The following TAF1A variants were observed in gnomAD, a reference collection of about 807,000 sequenced individuals.
The protein encoded by TAF1A is TATA box-binding protein-associated factor RNA polymerase I subunit A.
Under a neutral mutation model 61.6 loss-of-function variants are expected in TAF1A, and 42 were observed. The ratio of observed to expected loss-of-function variants is 0.68; its 90% CI spans 0.53 to 0.88. The LOEUF is 0.88. Among genes scored for constraint, TAF1A ranks in the 40% least tolerant of loss-of-function variants. The probability of loss-of-function intolerance (pLI) is 0.00; values close to 1 mark genes in which losing one functional copy is unlikely to be tolerated. For missense variants in TAF1A, 424 were observed against 518.7 expected (o/e 0.82, Z 1.77); for synonymous variants, 179 against 177.7 (o/e 1.01, Z -0.06).
rs573367905 is a variant in TAF1A at position 222,564,086 on chromosome 1, C to T, written c.934G>A (p.Glu312Lys). 3 of 1,561,118 alleles carry T rather than the reference C, an allele frequency of 1.9e-6. No homozygotes were observed. The highest frequency in any genetic ancestry group is 3.4e-5 in the Admixed American group (2 of 58,728). Residue 312 changes from glutamate (E) to lysine (K), a missense_variant, in exon 8 of 11, where the codon GAA becomes AAA. Physicochemically the swap from Glu to Lys is moderately conservative, Grantham distance 56. Coordinates refer to ENST00000352967, the MANE Select transcript of TAF1A (RefSeq NM_005681.4). Reference protein sequence around the residue: ...QIVPSHKLMLEFHTLLRKSEK... With the variant: ...QIVPSHKLMLKFHTLLRKSEK... ...GATTTTCTAAGTAATGTATGGAATT[C>T]CAACATCAATTTATGAGATGGTACA... is the stretch of plus-strand genomic sequence containing the variant.
In TAF1A at chr1:222,569,685, A is replaced by G; in HGVS notation, c.736-17T>C. On this transcript the variant is annotated splice_polypyrimidine_tract_variant and intron_variant, in intron 6 of 10. Coordinates refer to ENST00000352967, the MANE Select transcript of TAF1A (RefSeq NM_005681.4). ...TTCCAGCATCTATATAAAATAAATC[A>G]TAATATCTTAGCTGAATTCTGTAAG... The G allele has an allele frequency of 6.2e-7, 1 of 1,600,654 alleles. No individual in the cohort carries two copies. Among genetic ancestry groups the G allele is most frequent in the Non-Finnish European group, 8.5e-7 (1 of 1,175,126 alleles).
intron 2 of TAF1A, 48 bp downstream of exon 2, chr1:222,588,395 T>C (rs1237905437): frequency 1.3e-6 from 2 of 1,597,022 alleles, no homozygotes; most frequent in East Asian, 2.3e-5. Flanking sequence ...TATTGAATCT[T>C]ACCACCTCCT....
At chr1:222,555,041 A>G (rs1659710816), downstream of TAF1A, among the ~76,000 whole-genome samples, 1 of 152,264 alleles carries the variant, frequency 6.6e-6, no homozygotes, top group African/African-American at 2.4e-5. Context: ...AGGTATATGA[A>G]TAAGTGCTCA....
Position 222,577,571 on chromosome 1 carries a change from C to T in TAF1A, c.478G>A (p.Ala160Thr). 6.2e-7 allele frequency: 1 copy of T among 1,614,000 alleles called. No homozygotes were observed. The highest frequency in any genetic ancestry group is 2.2e-5 in the East Asian group (1 of 44,852). ...LKDAKRNLSE[A>T]ETWRHGENTS... is the part of the protein sequence containing the mutation. ...TTTTCACCATGTCTCCATGTCTCTG[C>T]CTCACTCAGATTTCTCTTAGCATCT... Residue 160 changes from alanine to threonine, a missense_variant, in exon 5 of 11, where the codon GCA becomes ACA. Coordinates refer to ENST00000352967, the MANE Select transcript of TAF1A (RefSeq NM_005681.4).
intron 6 of TAF1A, among the ~76,000 whole-genome samples, chr1:222,570,320 T>C (rs564227066): frequency 1.6e-4 from 25 of 152,326 alleles, no homozygotes; most frequent in African/African-American, 5.3e-4. Context: ...CATTTACAAC[T>C]ATACTGCTAT....
At chr1:222,581,991 C>G (rs141731972) in intron 3 of TAF1A, among the ~76,000 whole-genome samples, 5 of 152,254 alleles carry the variant, frequency 3.3e-5, no homozygotes, top group African/African-American at 1.2e-4. Context: ...ATGAAATTCA[C>G]TTATGTTTCA....
intron 2 of TAF1A, among the ~76,000 whole-genome samples, chr1:222,584,850 G>A (rs1439608680): frequency 6.6e-6 from 1 of 152,196 alleles, no homozygotes; most frequent in Non-Finnish European, 1.5e-5. Context: ...TAGATACAGT[G>A]CTATTATATG....
chr1:222,587,706 T>C (rs1443019438), intron 2 of TAF1A, among the ~76,000 whole-genome samples: 1 of 152,172 alleles, frequency 6.6e-6, no homozygotes, highest in Non-Finnish European at 1.5e-5. Flanking sequence ...GGAAATTTTA[T>C]CCCATAGAAA....
chr1:222,589,048 G>C (rs1358078350), intron 1 of TAF1A, among the ~76,000 whole-genome samples: 2 of 152,140 alleles, frequency 1.3e-5, no homozygotes, highest in Non-Finnish European at 1.5e-5. Context: ...GATGGAACCT[G>C]CCTAACATCA....
chr1:222,570,507 C>A, intron 6 of TAF1A, 28 bp downstream of exon 6: 1 of 1,580,886 alleles, frequency 6.3e-7, no homozygotes. Context: ...AAAATAAAAC[C>A]AATAAATTTA....
At chr1:222,583,506 A>G (rs1053800852) in intron 3 of TAF1A, among the ~76,000 whole-genome samples, 2 of 152,150 alleles carry the variant, frequency 1.3e-5, no homozygotes, top group African/African-American at 4.8e-5. Context: ...AAAACAATGA[A>G]GTATAGTCTA....
intron 5 of TAF1A, among the ~76,000 whole-genome samples, chr1:222,572,537 T>C (rs1219036731): frequency 6.6e-6 from 1 of 152,148 alleles, no homozygotes; most frequent in Non-Finnish European, 1.5e-5. Flanking sequence ...TTTGTATTTT[T>C]TGTAGAGATG....
intron 7 of TAF1A, among the ~76,000 whole-genome samples, chr1:222,568,266 A>G (rs1207511118): frequency 1.3e-5 from 2 of 152,136 alleles, no homozygotes; most frequent in African/African-American, 4.8e-5. Flanking sequence ...AAAGAAAAAA[A>G]AATGTACAAA....
In TAF1A at chr1:222,584,175, GA is replaced by G. The variant is rs1216840091; in HGVS notation, c.243del (p.Gln82ArgfsTer44). On this transcript the variant is annotated frameshift_variant, in exon 3 of 11. Transcript: ENST00000352967. LOFTEE classifies it high-confidence loss of function. Reference protein sequence around the residue: ...QQAAEYMYSYFQTLEDSDSYK... With the variant: ...QQAAEYMYSYXQTLEDSDSYK... ...TAGCTATCTGAATCTTCCAAGGTCT[GA>G]AAATAACTGTACATGTATTCTGCAG... The G allele has an allele frequency of 6.2e-7, 1 of 1,611,794 alleles. No homozygotes were observed. The highest frequency in any genetic ancestry group is 1.7e-5 in the Admixed American group (1 of 59,478).
At chr1:222,569,423 T>A in intron 7 of TAF1A, 87 bp downstream of exon 7, 1 of 1,610,004 alleles carries the variant, frequency 6.2e-7, no homozygotes, top group Non-Finnish European at 8.5e-7. Flanking sequence ...TTTCTGTAGA[T>A]GCTATAAAAG....
At chr1:222,569,820 A>G (rs1357375028) in intron 6 of TAF1A, 152 bp from the exon 7 acceptor site, 1 of 661,630 alleles carries the variant, frequency 1.5e-6, no homozygotes, top group Admixed American at 3.2e-5. Flanking sequence ...TACTACTAAT[A>G]AACAATGCAG....
At chr1:222,582,823 G>A (rs1660838208) in intron 3 of TAF1A, among the ~76,000 whole-genome samples, 1 of 152,172 alleles carries the variant, frequency 6.6e-6, no homozygotes, top group African/African-American at 2.4e-5. Context: ...ATTATGCCAA[G>A]TGAAAGAAAT....
chr1:222,581,249 AAAC>A (rs1310310603), intron 3 of TAF1A, among the ~76,000 whole-genome samples: 3 of 152,250 alleles, frequency 2.0e-5, no homozygotes, highest in African/African-American at 7.2e-5. Flanking sequence ...TCATTTTACA[AAAC>A]AAAATCTGGA....
chr1:222,586,816 A>G (rs1291149044), intron 2 of TAF1A, among the ~76,000 whole-genome samples: 1 of 152,244 alleles, frequency 6.6e-6, no homozygotes, highest in Non-Finnish European at 1.5e-5. Context: ...AAAAATAAAT[A>G]GAACAATTGT....
Sources: allele counts gnomAD v4.1 joint callset (sites outside exome capture counted in the v4.1 genomes callset), GRCh38; gene constraint gnomAD v4.1.1; transcripts MANE v1.5; gene names NCBI Gene and HGNC (gene_info 2026-07-23, HGNC 2026-07-21).